MALT1: variants seen among roughly 807,000 people sequenced by gnomAD.
MALT1 encodes MALT1 paracaspase, also known as mucosa-associated lymphoid tissue lymphoma translocation protein 1.
Under a neutral mutation model 85.5 loss-of-function variants are expected in MALT1, and 36 were observed. The observed-to-expected ratio is 0.42, with a 90% CI of 0.32 to 0.56. The LOEUF (loss-of-function observed/expected upper bound fraction) is 0.56. MALT1 is among the 20% of genes least tolerant of loss of function. The probability of loss-of-function intolerance (pLI) is 0.10; values close to 1 mark genes in which losing one functional copy is unlikely to be tolerated. For synonymous variants in MALT1, 359 were observed against 361.3 expected (o/e 0.99, Z 0.07); for missense variants, 716 against 981.6 (o/e 0.73, Z 3.62).
chr18:58,713,510 A>G (rs2054860714), intron 7 of MALT1, among the ~76,000 whole-genome samples: 1 of 152,136 alleles, frequency 6.6e-6, no homozygotes, highest in African/African-American at 2.4e-5. Context: ...AGGTGTCAGA[A>G]CCAAGAAGAT....
chr18:58,738,170 A>G (rs2055251728), intron 13 of MALT1, among the ~76,000 whole-genome samples: 1 of 152,082 alleles, frequency 6.6e-6, no homozygotes, highest in Non-Finnish European at 1.5e-5. Flanking sequence ...CGTTTTACAT[A>G]GTTTTATTGA....
At chr18:58,680,915 G>A (rs981003288) in intron 1 of MALT1, among the ~76,000 whole-genome samples, 4 of 121,520 alleles carry the variant, frequency 3.3e-5, no homozygotes, top group Admixed American at 2.3e-4. Flanking sequence ...GGGCGACAGA[G>A]CGAGACTCCG....
rs1179054148 is a variant in MALT1 at position 58,745,818 on chromosome 18, C to T, written c.2037+27C>T. On this transcript the variant is annotated intron_variant, in intron 16 of 16. Transcript: ENST00000649217. ...TTACTACCTTTTCTGTTTATAGCTACTAATGGAAAACTTTATGAAACTGGA... is the reference window on the plus strand; with the variant it reads ...TTACTACCTTTTCTGTTTATAGCTATTAATGGAAAACTTTATGAAACTGGA... 1.9e-6 allele frequency: 3 copies of T among 1,594,758 alleles called. No homozygotes were observed. The South Asian group carries it at 3.4e-5, about 18-fold the overall frequency.
At chr18:58,706,458 G>A (rs930489880) in intron 4 of MALT1, among the ~76,000 whole-genome samples, 66 of 152,232 alleles carry the variant, frequency 4.3e-4, no homozygotes, top group African/African-American at 1.5e-3. Flanking sequence ...CCCAGCCCAC[G>A]TGTGTATAAT....
intron 9 of MALT1, among the ~76,000 whole-genome samples, chr18:58,716,847 CA>C (rs1237701015): frequency 1.7e-4 from 26 of 151,600 alleles, no homozygotes; most frequent in Non-Finnish European, 1.6e-4. Context: ...AGTGATCCAT[CA>C]AAGAGAGGAC....
At chr18:58,681,578 T>C (rs1484761432) in intron 2 of MALT1, among the ~76,000 whole-genome samples, 1 of 152,184 alleles carries the variant, frequency 6.6e-6, no homozygotes, top group Non-Finnish European at 1.5e-5. Context: ...TAACTACATA[T>C]TTGATATATT....
Position 58,674,727 on chromosome 18 carries a change from C to G in MALT1, c.209+2875C>G, listed in dbSNP as rs2054215655. Among the ~76,000 whole-genome samples, 3 of 152,078 alleles carry G rather than the reference C, an allele frequency of 2.0e-5. No individual in the cohort carries two copies. The South Asian group carries it at 6.2e-4, about 32-fold the overall frequency. On this transcript the variant is annotated intron_variant, in intron 1 of 16. Coordinates refer to ENST00000649217, the MANE Select transcript of MALT1 (RefSeq NM_006785.4). ...CCTAAAGGTATTTTTTCTCTGGTGC[C>G]AAAGACAGGAATTATAGTGTGAGTG...
intron 13 of MALT1, 25 bp from the exon 14 acceptor site, chr18:58,741,840 T>A: frequency 7.1e-7 from 1 of 1,408,816 alleles, no homozygotes; most frequent in East Asian, 2.3e-5. Context: ...GTCTTAAAAA[T>A]AATATTTATT....
chr18:58,708,219 T>TCTC (rs1358542730), intron 4 of MALT1, among the ~76,000 whole-genome samples: 1 of 152,118 alleles, frequency 6.6e-6, no homozygotes, highest in East Asian at 1.9e-4. Flanking sequence ...TTAGCTCTCC[T>TCTC]CTCCTCCTTC....
chr18:58,707,191 C>G (rs2054763678), intron 4 of MALT1, among the ~76,000 whole-genome samples: 1 of 148,634 alleles, frequency 6.7e-6, no homozygotes, highest in East Asian at 1.9e-4. Flanking sequence ...CCATTTGGCT[C>G]TTTTTTTTTT....
chr18:58,728,594 G>C (rs1172515145), intron 10 of MALT1, among the ~76,000 whole-genome samples: 1 of 152,154 alleles, frequency 6.6e-6, no homozygotes, highest in African/African-American at 2.4e-5. Flanking sequence ...AACAGAGCAA[G>C]ACCCTGTCTC....
chr18:58,687,490 T>C (rs1248316063), intron 2 of MALT1, among the ~76,000 whole-genome samples: 2 of 152,066 alleles, frequency 1.3e-5, no homozygotes, highest in African/African-American at 2.4e-5. Context: ...CTGGGGGAAA[T>C]TGTTAGAGGA....
At chr18:58,734,080 C>T (rs905055706) in intron 11 of MALT1, 16 of 1,328,456 alleles carry the variant, frequency 1.2e-5, no homozygotes, top group Non-Finnish European at 1.3e-5. Flanking sequence ...ATTTACCAAT[C>T]AAAATCCAAT....
In MALT1 at chr18:58,678,670, G is replaced by A. The variant is rs1039955774; in HGVS notation, c.210-2500G>A. Among the ~76,000 whole-genome samples, 27 of 152,286 alleles carry A rather than the reference G, an allele frequency of 1.8e-4. No individual in the cohort carries two copies. In the East Asian group the frequency reaches 5.2e-3, roughly 29 times the overall value. On this transcript the variant is annotated intron_variant, in intron 1 of 16. Transcript: ENST00000649217. ...TCCAGGCTGCTACCCGTTTCATATA[G>A]CCCATGATCTAAGACTGGTTTTTGT...
intron 2 of MALT1, chr18:58,691,180 C>A: frequency 3.4e-6 from 1 of 291,826 alleles, no homozygotes; most frequent in East Asian, 1.3e-4. Flanking sequence ...TCCCCTCTCC[C>A]CACTACTGAT....
chr18:58,737,999 CATT>C (rs1282982060), intron 13 of MALT1, among the ~76,000 whole-genome samples: 3 of 152,174 alleles, frequency 2.0e-5, no homozygotes, highest in African/African-American at 7.2e-5. Context: ...TTCAGGACAG[CATT>C]ATTATTAGAA....
chr18:58,708,802 G>C (rs573469079), intron 4 of MALT1, among the ~76,000 whole-genome samples: 2 of 152,258 alleles, frequency 1.3e-5, no homozygotes, highest in East Asian at 3.9e-4. Flanking sequence ...TTTCATAATG[G>C]AGACTTGTTG....
intron 6 of MALT1, among the ~76,000 whole-genome samples, 154 bp from the exon 7 acceptor site, chr18:58,710,767 A>G (rs2054820650): frequency 6.6e-6 from 1 of 152,238 alleles, no homozygotes; most frequent in African/African-American, 2.4e-5. Flanking sequence ...TCAGCTTAAT[A>G]TATTTATAGT....
At chr18:58,730,062 A>G (rs4940745) in intron 10 of MALT1, among the ~76,000 whole-genome samples, 18,041 of 152,234 alleles carry the variant, frequency 0.12, 1,642 homozygotes, top group African/African-American at 0.26. Flanking sequence ...GAACGGAGAT[A>G]GAGTAACTTG....
Sources: allele counts gnomAD v4.1 joint callset (sites outside exome capture counted in the v4.1 genomes callset), GRCh38; gene constraint gnomAD v4.1.1; transcripts MANE v1.5; gene names NCBI Gene and HGNC (gene_info 2026-07-23, HGNC 2026-07-21).